Variants in CDC42SE2 observed in about 807,000 individuals in gnomAD.
The protein encoded by CDC42SE2 is CDC42 small effector 2.
CDC42SE2 carries 3 observed loss-of-function variants against 11.5 expected under a neutral mutation model. The ratio of observed to expected loss-of-function variants is 0.26; its 90% CI spans 0.12 to 0.67. The LOEUF is 0.67. Among genes scored for constraint, CDC42SE2 ranks in the 30% least tolerant of loss-of-function variants. The probability of loss-of-function intolerance (pLI) is 0.80; values close to 1 mark genes in which losing one functional copy is unlikely to be tolerated. For missense variants in CDC42SE2, 82 were observed against 106.8 expected, an observed-to-expected ratio of 0.77 and a Z score of 1.02; for synonymous variants, 33 against 34.8, an observed-to-expected ratio of 0.95 and a Z score of 0.18.
chr5:131,262,716 A>G (rs1430432816), upstream of CDC42SE2, among the ~76,000 whole-genome samples: 1 of 152,228 alleles, frequency 6.6e-6, no homozygotes, highest in African/African-American at 2.4e-5. Context: ...TAAATTATCT[A>G]TAGATTACTT....
intron 2 of CDC42SE2, among the ~76,000 whole-genome samples, chr5:131,324,652 T>C (rs1758260589): frequency 6.6e-6 from 1 of 152,092 alleles, no homozygotes; most frequent in Middle Eastern, 3.2e-3. Flanking sequence ...AATACTTTCT[T>C]TGGCATGGTA....
rs2149729153 is a variant in CDC42SE2 at position 131,315,968 on chromosome 5, A to G, written c.-454-8A>G. 1 of 152,286 alleles carries G rather than the reference A, an allele frequency of 6.6e-6. No individual in the cohort carries two copies. Among genetic ancestry groups the G allele is most frequent in the East Asian group, 1.9e-4 (1 of 5,340 alleles). The allele number at this position is 152,286 out of a possible 1,614,324, so 9.4% of individuals were successfully genotyped here. On this transcript the variant is annotated splice_region_variant and splice_polypyrimidine_tract_variant and intron_variant, in intron 1 of 4. Transcript: ENST00000505065. The stretch of plus-strand genomic sequence containing the variant: ...TTTTGCCTCCTAATTGCATGCTTTC[A>G]TTTGCAGATAGGGCCAGATTTGAGT...
upstream of CDC42SE2, among the ~76,000 whole-genome samples, chr5:131,242,227 C>T (rs753130177): frequency 2.0e-4 from 30 of 152,154 alleles, no homozygotes; most frequent in Non-Finnish European, 3.8e-4. Flanking sequence ...CAAACCAAAA[C>T]ATGAGAAAAT....
At chr5:131,328,156 G>A (rs1300680013) in intron 2 of CDC42SE2, among the ~76,000 whole-genome samples, 1 of 151,908 alleles carries the variant, frequency 6.6e-6, no homozygotes, top group East Asian at 1.9e-4. Flanking sequence ...TTTTTTTGGG[G>A]GATACATTCA....
At chr5:131,222,779 G>A in the CDC42SE2 span, among the ~76,000 whole-genome samples, 1 of 152,208 alleles carries the variant, frequency 6.6e-6, no homozygotes, top group African/African-American at 2.4e-5. Context: ...TGAGTGGAGG[G>A]CATGGCACCC....
chr5:131,361,905 C>T (rs965585997), intron 3 of CDC42SE2, among the ~76,000 whole-genome samples: 14 of 152,202 alleles, frequency 9.2e-5, no homozygotes, highest in African/African-American at 2.9e-4. Flanking sequence ...GTCTTTTCAC[C>T]GTCTAACCGC....
intron 2 of CDC42SE2, among the ~76,000 whole-genome samples, chr5:131,336,506 G>GA (rs1364056744): frequency 1.3e-5 from 2 of 152,104 alleles, no homozygotes; most frequent in Non-Finnish European, 2.9e-5. Flanking sequence ...TCCTGAATTT[G>GA]AATGTTGGCT....
chr5:131,382,074 A>G (rs1750344211), intron 3 of CDC42SE2, among the ~76,000 whole-genome samples: 1 of 152,222 alleles, frequency 6.6e-6, no homozygotes, highest in Admixed American at 6.5e-5. Context: ...TTCCAATACT[A>G]AGGTGTGACT....
intron 1 of CDC42SE2, among the ~76,000 whole-genome samples, chr5:131,298,334 C>T (rs1462950205): frequency 7.3e-5 from 11 of 151,544 alleles, no homozygotes; most frequent in Non-Finnish European, 1.5e-4. Flanking sequence ...CTTGAACTCC[C>T]GAACTCAGGT....
At chr5:131,307,365 T>C (rs1757801539) in intron 1 of CDC42SE2, among the ~76,000 whole-genome samples, 1 of 151,760 alleles carries the variant, frequency 6.6e-6, no homozygotes, top group South Asian at 2.1e-4. Context: ...TGGTTTCCAA[T>C]TTCATCCATG....
intron 1 of CDC42SE2, among the ~76,000 whole-genome samples, chr5:131,298,366 C>T (rs890542724): frequency 1.3e-5 from 2 of 151,972 alleles, no homozygotes; most frequent in Non-Finnish European, 2.9e-5. Flanking sequence ...AGGTGATCCA[C>T]CCGCCTTGGC....
intron 1 of CDC42SE2, among the ~76,000 whole-genome samples, chr5:131,300,235 C>G (rs1757651477): frequency 1.3e-5 from 2 of 151,966 alleles, no homozygotes; most frequent in South Asian, 4.1e-4. Flanking sequence ...AGTTTAGGAC[C>G]ACAGAACCTG....
chr5:131,347,721 C>T (rs1024567085), intron 2 of CDC42SE2, among the ~76,000 whole-genome samples: 1 of 152,134 alleles, frequency 6.6e-6, no homozygotes, highest in African/African-American at 2.4e-5. Flanking sequence ...GACCAATATC[C>T]CTGATGAACA....
intron 3 of CDC42SE2, among the ~76,000 whole-genome samples, chr5:131,371,699 A>G (rs1303155475): frequency 1.3e-5 from 2 of 152,258 alleles, no homozygotes; most frequent in Non-Finnish European, 2.9e-5. Context: ...AATTAGTGGC[A>G]GAGCCTTTTG....
At chr5:131,376,200 C>T (rs1671291492) in intron 3 of CDC42SE2, among the ~76,000 whole-genome samples, 1 of 151,158 alleles carries the variant, frequency 6.6e-6, no homozygotes, top group South Asian at 2.1e-4. Flanking sequence ...GATTGCACCA[C>T]CGCACTCCAA....
intron 2 of CDC42SE2, among the ~76,000 whole-genome samples, chr5:131,346,453 C>G (rs557665989): frequency 1.3e-5 from 2 of 152,322 alleles, no homozygotes; most frequent in South Asian, 2.1e-4. Context: ...AAAGAGCTAA[C>G]TGTCCTAAAT....
At chr5:131,349,449 C>G (rs1004134840) in intron 2 of CDC42SE2, among the ~76,000 whole-genome samples, 28 of 152,256 alleles carry the variant, frequency 1.8e-4, no homozygotes, top group African/African-American at 6.7e-4. Flanking sequence ...TGTAAGAAAC[C>G]TGCACGTTGT....
At chr5:131,344,428 G>A (rs1306431376) in intron 2 of CDC42SE2, among the ~76,000 whole-genome samples, 3 of 152,232 alleles carry the variant, frequency 2.0e-5, no homozygotes, top group African/African-American at 7.2e-5. Flanking sequence ...AGATCGAACT[G>A]CAAGGTGGCA....
intron 1 of CDC42SE2, among the ~76,000 whole-genome samples, chr5:131,298,354 T>C (rs924506757): frequency 3.9e-5 from 6 of 151,986 alleles, no homozygotes; most frequent in Non-Finnish European, 7.4e-5. Context: ...TGATCCGATC[T>C]CAGGTGATCC....
Sources: gnomAD v4.1 joint callset for allele counts (sites outside exome capture counted in the v4.1 genomes callset) on GRCh38, gnomAD v4.1.1 for gene constraint, MANE v1.5 for transcripts, NCBI Gene and HGNC (gene_info 2026-07-23, HGNC 2026-07-21) for gene names.